Variants in PBRM1 observed in about 807,000 individuals in gnomAD.
PBRM1 encodes the protein protein polybromo-1.
A neutral mutation model predicts 194.5 loss-of-function variants in PBRM1; 27 were observed. That is an observed-to-expected ratio of 0.14 (90% CI 0.10 to 0.19). PBRM1 has a LOEUF of 0.19. Among genes scored for constraint, PBRM1 ranks in the 10% least tolerant of loss-of-function variants. The pLI is 1.00. For missense variants in PBRM1, 1,466 were observed against 2,077.2 expected, an observed-to-expected ratio of 0.71 and a Z score of 5.72; for synonymous variants, 655 against 693.2, an observed-to-expected ratio of 0.94 and a Z score of 0.87.
intron 12 of PBRM1, among the ~76,000 whole-genome samples, chr3:52,628,357 A>C (rs1221510995): frequency 6.7e-6 from 1 of 149,440 alleles, no homozygotes; most frequent in Non-Finnish European, 1.5e-5. Context: ...TATGGCCATG[A>C]CAACTCCAAA....
At chr3:52,683,213 TA>T (rs11431546), upstream of PBRM1, among the ~76,000 whole-genome samples, 21 of 145,696 alleles carry the variant, frequency 1.4e-4, no homozygotes, top group Admixed American at 4.1e-4. Context: ...AAAAAAATAA[TA>T]AAAAAAAAAA....
intron 13 of PBRM1, among the ~76,000 whole-genome samples, chr3:52,617,938 C>T (rs1214969876): frequency 6.6e-6 from 1 of 152,182 alleles, no homozygotes; most frequent in African/African-American, 2.4e-5. Flanking sequence ...AATATCCTCA[C>T]TTCCAAGTAC....
chr3:52,667,396 A>AT (rs1428451525), intron 3 of PBRM1, among the ~76,000 whole-genome samples: 1 of 151,678 alleles, frequency 6.6e-6, no homozygotes, highest in Non-Finnish European at 1.5e-5. Flanking sequence ...ACAAAATCAA[A>AT]TAAAAAAAAT....
At chr3:52,634,019 T>C (rs559004610) in intron 11 of PBRM1, among the ~76,000 whole-genome samples, 19 of 152,220 alleles carry the variant, frequency 1.2e-4, no homozygotes, top group Non-Finnish European at 2.2e-4. Context: ...CTCCAGGAAC[T>C]GACTATGCTT....
At chr3:52,554,586 T>C (rs991082159) in intron 27 of PBRM1, 138 bp downstream of exon 29, 12 of 681,160 alleles carry the variant, frequency 1.8e-5, no homozygotes, top group Non-Finnish European at 2.9e-5. Flanking sequence ...CATGCCCTGC[T>C]GCTGACAACC....
chr3:52,671,685 T>C (rs1460655909), intron 2 of PBRM1, among the ~76,000 whole-genome samples: 1 of 152,258 alleles, frequency 6.6e-6, no homozygotes, highest in Non-Finnish European at 1.5e-5. Context: ...TTTACTACTT[T>C]ATGCTAATTA....
At chr3:52,634,496 C>G in intron 11 of PBRM1, 106 bp downstream of exon 12, 3 of 694,986 alleles carry the variant, frequency 4.3e-6, no homozygotes, top group Non-Finnish European at 7.1e-6. Flanking sequence ...AAAAAAACAC[C>G]ATTTTTACCT....
intron 10 of PBRM1, among the ~76,000 whole-genome samples, chr3:52,640,603 T>C (rs2096036934): frequency 6.6e-6 from 1 of 151,742 alleles, no homozygotes; most frequent in Admixed American, 6.6e-5. Flanking sequence ...CTTTCTTATG[T>C]TTTTATATTT....
intron 22 of PBRM1, among the ~76,000 whole-genome samples, chr3:52,569,008 C>T (rs752318777): frequency 1.3e-5 from 2 of 152,092 alleles, no homozygotes; most frequent in Non-Finnish European, 2.9e-5. Context: ...ACACCTCAGC[C>T]CCCTACTCCG....
upstream of PBRM1, chr3:52,681,743 T>C: frequency 3.9e-6 from 4 of 1,017,408 alleles, no homozygotes; most frequent in Non-Finnish European, 4.7e-6. Context: ...GTCTCCTCAT[T>C]ATGTCTGAAA....
At chr3:52,638,390 G>A (rs1253059369) in intron 10 of PBRM1, among the ~76,000 whole-genome samples, 2 of 148,224 alleles carry the variant, frequency 1.3e-5, no homozygotes, top group African/African-American at 2.5e-5. Context: ...ACGGAGTCTC[G>A]CTCTGTCACC....
intron 25 of PBRM1, 56 bp downstream of exon 27, chr3:52,561,711 G>C: frequency 7.0e-7 from 1 of 1,436,174 alleles, no homozygotes; most frequent in African/African-American, 1.4e-5. Flanking sequence ...CTGTGCGCGT[G>C]CATTCCTGAA....
intron 22 of PBRM1, among the ~76,000 whole-genome samples, chr3:52,572,365 T>C (rs1028783871): frequency 6.6e-6 from 1 of 151,988 alleles, no homozygotes; most frequent in Non-Finnish European, 1.5e-5. Flanking sequence ...GGCCATCTGA[T>C]TACTGTTTAA....
chr3:52,637,411 T>C (rs2095862311), intron 10 of PBRM1, among the ~76,000 whole-genome samples: 1 of 152,050 alleles, frequency 6.6e-6, no homozygotes, highest in Non-Finnish European at 1.5e-5. Flanking sequence ...GTGGGTAGCC[T>C]GCCTGAGCTC....
At chr3:52,674,592 C>A (rs1171363197) in intron 2 of PBRM1, among the ~76,000 whole-genome samples, 4 of 142,166 alleles carry the variant, frequency 2.8e-5, no homozygotes, top group African/African-American at 1.1e-4. Context: ...GAGTTTGAGA[C>A]CAGCCTGGGC....
At chr3:52,636,886 T>C (rs527368624) in intron 10 of PBRM1, among the ~76,000 whole-genome samples, 1 of 148,390 alleles carries the variant, frequency 6.7e-6, no homozygotes, top group Non-Finnish European at 1.5e-5. Flanking sequence ...TTTAATTATG[T>C]GTTAAGAGCT....
chr3:52,545,435 CAT>C, downstream of PBRM1: 1 of 232,130 alleles, frequency 4.3e-6, no homozygotes, highest in East Asian at 6.1e-5. Flanking sequence ...AAGATACATA[CAT>C]GTTATAAGAC....
At chr3:52,624,392 C>A (rs1210926616) in intron 13 of PBRM1, among the ~76,000 whole-genome samples, 2 of 152,148 alleles carry the variant, frequency 1.3e-5, no homozygotes, top group Non-Finnish European at 2.9e-5. Context: ...AAGTAACATG[C>A]AAAAGAATGC....
intron 17 of PBRM1, among the ~76,000 whole-genome samples, chr3:52,599,384 G>A (rs1294527756): frequency 6.6e-6 from 1 of 152,116 alleles, no homozygotes; most frequent in Non-Finnish European, 1.5e-5. Flanking sequence ...ATTATAGTCA[G>A]TCTATAGTAC....
Sources: gnomAD v4.1 joint callset for allele counts (sites outside exome capture counted in the v4.1 genomes callset) on GRCh38, gnomAD v4.1.1 for gene constraint, MANE v1.5 for transcripts, NCBI Gene and HGNC (gene_info 2026-07-23, HGNC 2026-07-21) for gene names.